WDFY4: variants seen among roughly 807,000 people sequenced by gnomAD.
WDFY4 encodes the protein WD repeat- and FYVE domain-containing protein 4.
Under a neutral mutation model 351.9 loss-of-function variants are expected in WDFY4, and 169 were observed. That is an observed-to-expected ratio of 0.48 (90% CI 0.42 to 0.55). The LOEUF is 0.55. Ranked by LOEUF, WDFY4 falls within the 20% of genes least tolerant of loss-of-function variation. WDFY4 has a pLI of 0.00. For synonymous variants in WDFY4, 1,622 were observed against 1,574.6 expected (o/e 1.03, Z -0.71); for missense variants, 3,803 against 3,935.6 (o/e 0.97, Z 0.90).
Position 48,753,453 on chromosome 10 carries a change from C to G in WDFY4, c.2460-6894C>G, listed in dbSNP as rs184952724. On this transcript the variant is annotated intron_variant, in intron 12 of 61. Transcript: ENST00000325239. ...AAAAATCCATTGCCAAATCCAAGGT[C>G]ATAAAGATTTACCACTGTGTTTTCT... Among the ~76,000 whole-genome samples the G allele has an allele frequency of 9.7e-4, 147 of 152,266 alleles. 3 individuals carry two copies. Among genetic ancestry groups the G allele is most frequent in the Non-Finnish European group, 2.9e-4 (20 of 68,000 alleles).
Position 48,817,294 on chromosome 10 carries a change from G to A in WDFY4, c.5390G>A (p.Ser1797Asn), listed in dbSNP as rs755019714. The A allele has an allele frequency of 1.8e-5, 28 of 1,551,642 alleles. No homozygotes were observed. Among genetic ancestry groups the A allele is most frequent in the East Asian group, 1.2e-4 (5 of 40,926 alleles). The change falls in exon 32 of 62, where the codon AGC becomes AAC. Residue 1797 changes from serine to asparagine, a missense_variant. By Grantham distance (46) the Ser-to-Asn change is conservative. Coordinates refer to ENST00000325239, the MANE Select transcript of WDFY4 (RefSeq NM_001394531.1). ...DGAWAQTFPA[S>N]VLQFLSLVHR... ...GCCTGGGCACAGACCTTCCCGGCCA[G>A]CGTGCTGCAGTTCCTCAGCCTCGTC...
chr10:48,804,616 C>G (rs2067194515), intron 25 of WDFY4: 1 of 592,948 alleles, frequency 1.7e-6, no homozygotes, highest in Non-Finnish European at 2.1e-6. Context: ...CCCAAAGTCA[C>G]CCTCCTCCAC....
In WDFY4 at chr10:48,920,752, A is replaced by G. The variant is rs547601942; in HGVS notation, c.7586+18889A>G. ...GCACAGATGTCATGACTGTCCACAT[A>G]GAGAATCCCACAGAATTTTAAAAAG... is the stretch of plus-strand genomic sequence containing the variant. On this transcript the variant is annotated intron_variant, in intron 47 of 61. Transcript: ENST00000325239. 6.6e-5 allele frequency among the ~76,000 whole-genome samples: 10 copies of G among 152,352 alleles called. 1 individual carries two copies. In the South Asian group the frequency reaches 2.1e-3, roughly 32 times the overall value.
At chr10:48,900,104 C>T in intron 45 of WDFY4, 117 bp from the exon 46 acceptor site, 1 of 843,788 alleles carries the variant, frequency 1.2e-6, no homozygotes, top group Non-Finnish European at 1.8e-6. Flanking sequence ...AAGGACGACC[C>T]AGGAAGGGTC....
chr10:48,754,345 A>G (rs187264113), intron 12 of WDFY4, among the ~76,000 whole-genome samples: 6 of 151,488 alleles, frequency 4.0e-5, no homozygotes, highest in African/African-American at 1.5e-4. Context: ...GGGCTTTTGC[A>G]ATGGCTCTTC....
At chr10:48,685,831 G>A (rs1417449174) in intron 1 of WDFY4, among the ~76,000 whole-genome samples, 1 of 147,964 alleles carries the variant, frequency 6.8e-6, no homozygotes. Context: ...TAGGTATTGA[G>A]AAACCACGCC....
chr10:48,966,089 T>C (rs1002693464), intron 54 of WDFY4, among the ~76,000 whole-genome samples: 4 of 152,174 alleles, frequency 2.6e-5, no homozygotes, highest in Admixed American at 1.3e-4. Flanking sequence ...CTTGTGTTGA[T>C]GCTTAATGAG....
chr10:48,709,870 G>A lies in WDFY4; in HGVS notation c.138G>A (p.Met46Ile). ...QSSSPTALWD[M>I]LERKFLEYQQ... ...CCAGCCCCACAGCTCTCTGGGACAT[G>A]CTGGAAAGGAAGTTTCTGGAATACC... Residue 46 changes from methionine (M) to isoleucine (I), a missense_variant, in exon 2 of 62, where the codon ATG becomes ATA. Transcript: ENST00000325239. 6.4e-7 allele frequency: 1 copy of A among 1,551,982 alleles called. No homozygotes were observed. Among genetic ancestry groups the A allele is most frequent in the Non-Finnish European group, 8.7e-7 (1 of 1,147,062 alleles).
At chr10:48,847,969 A>T (rs1392583982) in intron 39 of WDFY4, among the ~76,000 whole-genome samples, 1 of 146,282 alleles carries the variant, frequency 6.8e-6, no homozygotes, top group Non-Finnish European at 1.5e-5. Context: ...TTGTCATTAT[A>T]GCTGGAAATA....
At chr10:48,719,752 C>T (rs1004570485) in intron 2 of WDFY4, among the ~76,000 whole-genome samples, 5 of 152,120 alleles carry the variant, frequency 3.3e-5, no homozygotes, top group Middle Eastern at 3.2e-3. Flanking sequence ...GTGGGGAAGG[C>T]GGTGGACTGG....
chr10:48,803,358 A>T lies in WDFY4; in HGVS notation c.4483A>T (p.Arg1495Trp), dbSNP rs2067146979. 6.4e-7 allele frequency: 1 copy of T among 1,551,790 alleles called. No homozygotes were observed. The highest frequency in any genetic ancestry group is 1.2e-5 in the South Asian group (1 of 84,062). ...SHLLEILQSP[R>W]EGPRNAEAAH... The stretch of plus-strand genomic sequence containing the variant: ...TCTTTTGGAAATCCTTCAATCACCA[A>T]GGTAGGCTGGGTCTTGGCAGCCTGG... The change falls in exon 25 of 62, where the codon AGG (arginine) becomes TGG (tryptophan). Residue 1495 changes from arginine to tryptophan, a missense_variant and splice_region_variant. Arg to Trp is a moderately radical substitution (Grantham distance 101). This residue lies in a region of WDFY4 where 3,054 missense variants were observed against 3,148.6 expected (regional missense o/e 0.97). Coordinates refer to ENST00000325239, the MANE Select transcript of WDFY4 (RefSeq NM_001394531.1).
At chr10:48,807,788 G>T in intron 27 of WDFY4, 71 bp from the exon 28 acceptor site, 1 of 1,495,582 alleles carries the variant, frequency 6.7e-7, no homozygotes, top group Non-Finnish European at 9.1e-7. Flanking sequence ...TGGTGAATAT[G>T]ATTGCTTACT....
Position 48,976,814 on chromosome 10 carries a change from T to C in WDFY4, c.9126T>C (p.Cys3042=), listed in dbSNP as rs1174590364. ...ISDVSGTIVS[C]AGAHLSLWNV... is the part of the protein sequence containing the mutation. Reference sequence around the variant, plus strand: ...CTGCACAGGGCACCATTGTCTCCTGTGCGGGAGCACACTTGTCCCTGTGGA... The same window carrying C: ...CTGCACAGGGCACCATTGTCTCCTGCGCGGGAGCACACTTGTCCCTGTGGA... Residue 3042 remains cysteine (C), a synonymous_variant, in exon 59 of 62, where the codon TGT becomes TGC. Transcript: ENST00000325239. 6.7e-7 allele frequency: 1 copy of C among 1,484,836 alleles called. No individual in the cohort carries two copies. The highest frequency in any genetic ancestry group is 1.4e-5 in the African/African-American group (1 of 70,810). 92.0% of individuals were successfully genotyped at this position (1,484,836 alleles called of 1,614,324 possible). A position where few individuals can be genotyped will look rare whatever the true frequency, so the allele number is the denominator to read the frequency against.
chr10:48,744,942 C>T (rs1046111000), intron 12 of WDFY4, among the ~76,000 whole-genome samples: 8 of 152,196 alleles, frequency 5.3e-5, no homozygotes, highest in Non-Finnish European at 1.0e-4. Context: ...TTTTCTGCTT[C>T]AGCACTATTC....
chr10:48,769,046 T>G (rs2065774184), intron 13 of WDFY4, among the ~76,000 whole-genome samples: 1 of 152,112 alleles, frequency 6.6e-6, no homozygotes, highest in African/African-American at 2.4e-5. Flanking sequence ...AGATGTGAGA[T>G]CCTGGACTTC....
At chr10:48,808,066 A>C in intron 28 of WDFY4, 108 bp downstream of exon 28, 2 of 919,348 alleles carry the variant, frequency 2.2e-6, no homozygotes, top group South Asian at 4.3e-5. Context: ...TGTTTTCTGC[A>C]ATGTATTTCC....
Position 48,910,233 on chromosome 10 carries a change from T to C in WDFY4, c.7586+8370T>C, listed in dbSNP as rs201083632. On this transcript the variant is annotated intron_variant, in intron 47 of 61. Coordinates refer to ENST00000325239, the MANE Select transcript of WDFY4 (RefSeq NM_001394531.1). The stretch of plus-strand genomic sequence containing the variant: ...GTAGTCTTCAAGATTTTGCCACAGC[T>C]ACTCTAGGAAGATGTCAAGCGTATT... 1.7e-4 allele frequency: 262 copies of C among 1,542,102 alleles called. 1 individual carries two copies. In the African/African-American group the frequency reaches 3.3e-3, roughly 20 times the overall value.
At position 48,822,524 on chromosome 10, in the gene WDFY4, A is replaced by C. The variant is rs540468782; in HGVS notation, c.5969A>C (p.Glu1990Ala). ...DPRHILLFIL[E>A]HIMVVIETAS... ...AGGCATATCCTCCTCTTCATCCTGG[A>C]GCACATCATGGTGGTAAGAGCTGCT... Residue 1990 changes from glutamate to alanine, a missense_variant, in exon 35 of 62, where the codon GAG (glutamate) becomes GCG (alanine). Glu to Ala is a moderately radical substitution (Grantham distance 107). Coordinates refer to ENST00000325239, the MANE Select transcript of WDFY4 (RefSeq NM_001394531.1). The C allele has an allele frequency of 2.8e-5, 44 of 1,544,872 alleles. No homozygotes were observed. In the South Asian group the frequency reaches 5.0e-4, roughly 17 times the overall value.
At chr10:48,877,884 C>T (rs1288954457) in intron 43 of WDFY4, 1 of 152,352 alleles carries the variant, frequency 6.6e-6, no homozygotes, top group Admixed American at 6.5e-5. Context: ...GACCCCTCTT[C>T]CCCAAGTCTA....
Sources: gnomAD v4.1 joint callset for allele counts (sites outside exome capture counted in the v4.1 genomes callset) on GRCh38, gnomAD v4.1.1 for gene constraint, gnomAD v4.1.1 regional missense constraint, MANE v1.5 for transcripts, NCBI Gene and HGNC (gene_info 2026-07-23, HGNC 2026-07-21) for gene names.